CLNK: variants seen among roughly 807,000 people sequenced by gnomAD.
CLNK encodes the protein cytokine dependent hematopoietic cell linker, also known as cytokine-dependent hematopoietic cell linker.
CLNK carries 74 observed loss-of-function variants against 68.6 expected under a neutral mutation model. The observed-to-expected ratio is 1.08, with a 90% CI of 0.89 to 1.31. CLNK has a LOEUF of 1.31. Ranked by LOEUF, CLNK falls within the 50% of genes most tolerant of loss-of-function variation. The pLI is 0.00. For synonymous variants in CLNK, 198 were observed against 172.2 expected, an observed-to-expected ratio of 1.15 and a Z score of -1.17; for missense variants, 553 against 515.3, an observed-to-expected ratio of 1.07 and a Z score of -0.71.
rs200838338 is a variant in CLNK, at chr4:10,495,797, AGC to A, written c.1141-5186_1141-5185del. On this transcript the variant is annotated intron_variant, in intron 18 of 18. Transcript: ENST00000226951. ...GAGAAGGTCACGTGACCATAGAGAG[AGC>A]GATGAGGAGAAGGTCACGTGACCAT... Among the ~76,000 whole-genome samples, 165 of 149,454 alleles carry A rather than the reference AGC, an allele frequency of 1.1e-3. 1 individual carries two copies. Among genetic ancestry groups the A allele is most frequent in the East Asian group, 9.7e-3 (49 of 5,046 alleles).
chr4:10,638,908 A>C (rs147987185), intron 2 of CLNK, among the ~76,000 whole-genome samples: 1 of 152,166 alleles, frequency 6.6e-6, no homozygotes, highest in Non-Finnish European at 1.5e-5. Context: ...TCTTCTTTTC[A>C]TAAGGACATC....
chr4:10,541,815 G>A lies in CLNK; in HGVS notation c.491+207C>T, dbSNP rs775041044. On this transcript the variant is annotated intron_variant, in intron 10 of 18. Transcript: ENST00000226951. ...ATTGAATAGATAACTGTGAATGAATGAATAAATGATTAAATAGATGAATGA... is the reference window on the plus strand; with the variant it reads ...ATTGAATAGATAACTGTGAATGAATAAATAAATGATTAAATAGATGAATGA... Among the ~76,000 whole-genome samples the A allele has an allele frequency of 7.3e-5, 11 of 151,592 alleles. 1 individual carries two copies. Among genetic ancestry groups the A allele is most frequent in the Non-Finnish European group, 1.6e-4 (11 of 67,942 alleles).
upstream of CLNK, among the ~76,000 whole-genome samples, chr4:10,689,762 T>TTTTTTTTTTC (rs55754483): frequency 6.7e-6 from 1 of 149,442 alleles, no homozygotes; most frequent in African/African-American, 2.5e-5. Context: ...TTTTTTTTTT[T>TTTTTTTTTTC]ACAAATTGTG....
chr4:10,666,413 T>C (rs951644933), intron 2 of CLNK, among the ~76,000 whole-genome samples: 1 of 152,252 alleles, frequency 6.6e-6, no homozygotes, highest in African/African-American at 2.4e-5. Flanking sequence ...TCATCCCCTT[T>C]GTGGTGCAAC....
intron 17 of CLNK, among the ~76,000 whole-genome samples, chr4:10,506,087 A>G (rs1308237858): frequency 6.6e-6 from 1 of 152,120 alleles, no homozygotes; most frequent in Non-Finnish European, 1.5e-5. Context: ...CACTTTCTAT[A>G]ACTTCTAAGC....
the CLNK span, among the ~76,000 whole-genome samples, chr4:10,710,514 T>C: frequency 6.6e-6 from 1 of 152,242 alleles, no homozygotes; most frequent in Non-Finnish European, 1.5e-5. Context: ...AGTGATTATG[T>C]GCCAGACACT....
At chr4:10,681,733 G>T (rs1229389654) in intron 1 of CLNK, among the ~76,000 whole-genome samples, 1 of 152,202 alleles carries the variant, frequency 6.6e-6, no homozygotes, top group Admixed American at 6.5e-5. Context: ...CCCTGATCAT[G>T]AACCTGGGAA....
the CLNK span, among the ~76,000 whole-genome samples, chr4:10,699,498 A>ATC: frequency 4.9e-5 from 1 of 20,528 alleles, no homozygotes. Context: ...CTCTCTCTAT[A>ATC]TATATATATA....
chr4:10,666,249 C>T (rs1724392444), intron 2 of CLNK, among the ~76,000 whole-genome samples: 2 of 152,210 alleles, frequency 1.3e-5, no homozygotes, highest in Admixed American at 6.5e-5. Context: ...GTATTTGAAT[C>T]CATGCAGGTG....
rs552365984 is a variant in CLNK at position 10,541,226 on chromosome 4, A to C, written c.492-622T>G. Among the ~76,000 whole-genome samples, 1,376 of 151,630 alleles carry C rather than the reference A, an allele frequency of 9.1e-3. 31 individuals carry two copies. Among genetic ancestry groups the C allele is most frequent in the African/African-American group, 0.029 (1,189 of 41,286 alleles). On this transcript the variant is annotated intron_variant, in intron 10 of 18. Coordinates refer to ENST00000226951, the MANE Select transcript of CLNK (RefSeq NM_052964.4). ...CAGACTGTCTCAAAAAAAAAACAAA[A>C]AAAAAAAAACCCAATAAGAAATATA... is the stretch of plus-strand genomic sequence containing the variant.
intron 2 of CLNK, among the ~76,000 whole-genome samples, chr4:10,631,692 G>A (rs1313936650): frequency 6.6e-6 from 1 of 152,150 alleles, no homozygotes; most frequent in African/African-American, 2.4e-5. Flanking sequence ...CCAAGATATA[G>A]AGGAGAGAAA....
At chr4:10,535,495 T>C (rs1718724105) in intron 11 of CLNK, among the ~76,000 whole-genome samples, 1 of 152,150 alleles carries the variant, frequency 6.6e-6, no homozygotes, top group South Asian at 2.1e-4. Context: ...ACATATAAGA[T>C]CCCAAACCGG....
At chr4:10,526,272 A>G (rs1718316016) in intron 13 of CLNK, among the ~76,000 whole-genome samples, 1 of 152,176 alleles carries the variant, frequency 6.6e-6, no homozygotes, top group South Asian at 2.1e-4. Context: ...ATTCATTTAT[A>G]TCATTCGACA....
chr4:10,541,275 G>A (rs1345617232), intron 10 of CLNK, among the ~76,000 whole-genome samples: 2 of 150,376 alleles, frequency 1.3e-5, no homozygotes, highest in Non-Finnish European at 3.0e-5. Context: ...GTCAGTGAAT[G>A]TCTCACTCAC....
At chr4:10,634,490 C>A (rs1723007340) in intron 2 of CLNK, among the ~76,000 whole-genome samples, 1 of 152,184 alleles carries the variant, frequency 6.6e-6, no homozygotes, top group African/African-American at 2.4e-5. Context: ...AAGCTTCATG[C>A]TTTCTACCTC....
At chr4:10,615,845 T>C (rs1722208739) in intron 2 of CLNK, among the ~76,000 whole-genome samples, 1 of 152,178 alleles carries the variant, frequency 6.6e-6, no homozygotes, top group African/African-American at 2.4e-5. Flanking sequence ...AACATTTTCA[T>C]AAAAAGTCAA....
At chr4:10,683,517 C>T (rs1029230950) in intron 1 of CLNK, among the ~76,000 whole-genome samples, 3 of 152,176 alleles carry the variant, frequency 2.0e-5, no homozygotes, top group East Asian at 1.9e-4. Context: ...CAGTTTCCTT[C>T]TGAATTCTGT....
chr4:10,532,320 A>T (rs779626778), intron 11 of CLNK, 37 bp from the exon 12 acceptor site: 9 of 1,556,888 alleles, frequency 5.8e-6, no homozygotes, highest in Non-Finnish European at 7.1e-6. Context: ...CATAAAACAC[A>T]GTTCATAATG....
At position 10,537,710 on chromosome 4, in the gene CLNK, T is replaced by TTC. The variant is rs1472351077; in HGVS notation, c.602+2783_602+2784insGA. ...TCCTTCCTTCCTTCCTTCCTTCCTT[T>TTC]CTTTCTTTCTTTCTTTCTTTCTTTC... On this transcript the variant is annotated intron_variant, in intron 11 of 18. Transcript: ENST00000226951. Among the ~76,000 whole-genome samples, 50 of 49,642 alleles carry TTC rather than the reference T, an allele frequency of 1.0e-3. 1 individual carries two copies. The highest frequency in any genetic ancestry group is 2.2e-3 in the African/African-American group (23 of 10,642). The allele number at this position is 49,642 out of a possible 152,430, so 32.6% of individuals were successfully genotyped here. A position where few individuals can be genotyped will look rare whatever the true frequency, so the allele number is the denominator to read the frequency against.
Sources: allele counts gnomAD v4.1 joint callset (sites outside exome capture counted in the v4.1 genomes callset), GRCh38; gene constraint gnomAD v4.1.1; transcripts MANE v1.5; gene names NCBI Gene and HGNC (gene_info 2026-07-23, HGNC 2026-07-21).